Variants in HIRA observed in about 807,000 individuals in gnomAD.
HIRA encodes protein HIRA.
In HIRA, 13 loss-of-function variants were observed where a neutral mutation model predicts 126.6. The ratio of observed to expected loss-of-function variants is 0.10; its 90% confidence interval spans 0.07 to 0.16. The LOEUF (loss-of-function observed/expected upper bound fraction) is 0.16. HIRA is among the 10% of genes least tolerant of loss of function. HIRA has a pLI of 1.00. For missense variants in HIRA, 834 were observed against 1,314.4 expected, an observed-to-expected ratio of 0.63 and a Z score of 5.65; for synonymous variants, 511 against 520.0, an observed-to-expected ratio of 0.98 and a Z score of 0.24.
At chr22:19,340,860 G>A (rs1357189553) in intron 24 of HIRA, among the ~76,000 whole-genome samples, 3 of 152,206 alleles carry the variant, frequency 2.0e-5, no homozygotes, top group Non-Finnish European at 4.4e-5. Flanking sequence ...ATTGCTGAAA[G>A]AAATCATAGA....
At chr22:19,397,038 G>T in intron 6 of HIRA, 91 bp from the exon 7 acceptor site, 1 of 1,226,664 alleles carries the variant, frequency 8.2e-7, no homozygotes, top group Non-Finnish European at 1.2e-6. Context: ...CAAGAGAGGG[G>T]ACTCAGCAGT....
chr22:19,369,583 G>A (rs1315874574), intron 15 of HIRA, among the ~76,000 whole-genome samples: 1 of 152,058 alleles, frequency 6.6e-6, no homozygotes, highest in East Asian at 1.9e-4. Flanking sequence ...TAACTTGCAA[G>A]GTGTATTACT....
chr22:19,361,187 A>G (rs1252957366), intron 17 of HIRA, 50 bp downstream of exon 17: 1 of 1,363,050 alleles, frequency 7.3e-7, no homozygotes, highest in Non-Finnish European at 1.1e-6. Flanking sequence ...TAGGGGACAG[A>G]GAATGTCTGG....
intron 24 of HIRA, among the ~76,000 whole-genome samples, chr22:19,346,682 C>G (rs782584343): frequency 2.0e-5 from 3 of 152,146 alleles, no homozygotes; most frequent in Non-Finnish European, 4.4e-5. Context: ...TCTGGGAGAG[C>G]GTTTCTTTTC....
chr22:19,375,901 C>T (rs1049425460), intron 14 of HIRA, 109 bp from the exon 15 acceptor site: 28 of 1,143,784 alleles, frequency 2.4e-5, no homozygotes, highest in Non-Finnish European at 3.3e-5. Flanking sequence ...TATCAAACTT[C>T]CATAAACACA....
intron 24 of HIRA, among the ~76,000 whole-genome samples, chr22:19,344,951 C>T (rs1460316925): frequency 2.0e-5 from 3 of 152,082 alleles, no homozygotes; most frequent in Admixed American, 6.5e-5. Context: ...GATAAAAGCA[C>T]TCAACAAACT....
intron 4 of HIRA, among the ~76,000 whole-genome samples, chr22:19,406,149 A>G (rs932863464): frequency 3.3e-5 from 5 of 152,188 alleles, no homozygotes; most frequent in East Asian, 1.9e-4. Flanking sequence ...ATACAATATG[A>G]TATCACTTAT....
chr22:19,366,340 C>T (rs983825155), intron 15 of HIRA, among the ~76,000 whole-genome samples: 10 of 152,132 alleles, frequency 6.6e-5, no homozygotes, highest in South Asian at 2.1e-4. Context: ...CCAGCCTGGG[C>T]GACAGAGCGA....
intron 9 of HIRA, among the ~76,000 whole-genome samples, chr22:19,389,017 A>G (rs1356888630): frequency 1.3e-5 from 2 of 152,122 alleles, no homozygotes; most frequent in African/African-American, 4.8e-5. Flanking sequence ...ACATTTATCC[A>G]AGGCTCATTC....
At chr22:19,402,200 T>C (rs2146236440) in intron 5 of HIRA, among the ~76,000 whole-genome samples, 1 of 152,338 alleles carries the variant, frequency 6.6e-6, no homozygotes, top group African/African-American at 2.4e-5. Context: ...ACAAATCTCC[T>C]TGAGAGAAGA....
chr22:19,336,427 A>G lies in HIRA; in HGVS notation c.2938-4871T>C, dbSNP rs1053986209. ...AGTGCCATCTCCTGGCTGGAGGCCA[A>G]TTAACTCAGGACATTACAGCAATTC... is the stretch of plus-strand genomic sequence containing the variant. On this transcript the variant is annotated intron_variant, in intron 24 of 24. Transcript: ENST00000263208. Among the ~76,000 whole-genome samples the G allele has an allele frequency of 5.9e-5, 9 of 152,370 alleles. No individual in the cohort carries two copies. The East Asian group carries it at 1.5e-3, about 26-fold the overall frequency.
chr22:19,384,076 TG>T (rs1286033321), intron 12 of HIRA, among the ~76,000 whole-genome samples: 2 of 152,036 alleles, frequency 1.3e-5, no homozygotes, highest in Non-Finnish European at 2.9e-5. Context: ...CCCAGCACTT[TG>T]GGGAGGCCGA....
Position 19,356,297 on chromosome 22 carries a change from G to A in HIRA, c.2397-9C>T, listed in dbSNP as rs782603212. 1 of 1,613,256 alleles carries A rather than the reference G, an allele frequency of 6.2e-7. No homozygotes were observed. The highest frequency in any genetic ancestry group is 8.5e-7 in the Non-Finnish European group (1 of 1,179,276). ...CCTGTCTGTGAACATCCCTAGGAGG[G>A]AGACAGGGAACAGTTTACTCACCAA... On this transcript the variant is annotated splice_polypyrimidine_tract_variant and intron_variant, in intron 19 of 24. Transcript: ENST00000263208.
chr22:19,388,669 G>A (rs2089149547), intron 9 of HIRA, 115 bp from the exon 10 acceptor site: 3 of 781,350 alleles, frequency 3.8e-6, no homozygotes, highest in East Asian at 5.3e-5. Flanking sequence ...TGATATTTAA[G>A]GCATCTTCAA....
chr22:19,359,460 T>C lies in HIRA; in HGVS notation c.2110A>G (p.Ile704Val). ...ACTGTCACTTCATTCTCCACCTCAA[T>C]GTACATGGAAGGATCGGAGCTGACC... ...LQVSSDPSMYIEVENEVTVVG... is the reference protein window; with the variant it reads ...LQVSSDPSMYVEVENEVTVVG... The change falls in exon 18 of 25, where the codon ATT becomes GTT. Residue 704 changes from isoleucine (I) to valine (V), a missense_variant. Around this residue, in one of 5 missense-constraint regions of HIRA, gnomAD observed 468 missense variants for 574.2 expected, o/e 0.82. Coordinates refer to ENST00000263208, the MANE Select transcript of HIRA (RefSeq NM_003325.4). 1 of 1,608,494 alleles carries C rather than the reference T, an allele frequency of 6.2e-7. No individual in the cohort carries two copies. The highest frequency in any genetic ancestry group is 8.5e-7 in the Non-Finnish European group (1 of 1,177,672).
rs1210075587 is a variant in HIRA, at chr22:19,385,672, G to A, written c.1178C>T (p.Thr393Ile). Residue 393 changes from threonine (T) to isoleucine (I), a missense_variant, in exon 12 of 25, where the codon ACA becomes ATA. Physicochemically the swap from Thr to Ile is moderately conservative, Grantham distance 89. Around this residue, in one of 5 missense-constraint regions of HIRA, gnomAD observed 153 missense variants for 270.6 expected, o/e 0.57. Transcript: ENST00000263208. ...CATCTCAGGGTTCTCAATGACGGCT[G>A]TGGAGAGCTGGGCCTCGGTCATGAT... is the stretch of plus-strand genomic sequence containing the variant. ...LAIMTEAQLS[T>I]AVIENPEMLK... is the part of the protein sequence containing the mutation. The A allele has an allele frequency of 6.2e-7, 1 of 1,614,200 alleles. No individual in the cohort carries two copies. Among genetic ancestry groups the A allele is most frequent in the Non-Finnish European group, 8.5e-7 (1 of 1,180,026 alleles).
chr22:19,348,721 T>C (rs1203164418), intron 24 of HIRA, among the ~76,000 whole-genome samples: 1 of 152,092 alleles, frequency 6.6e-6, no homozygotes, highest in African/African-American at 2.4e-5. Context: ...GGTCTCAAAC[T>C]CCTGACCTCA....
At chr22:19,396,719 G>T in intron 7 of HIRA, 68 bp downstream of exon 7, 1 of 1,547,376 alleles carries the variant, frequency 6.5e-7, no homozygotes, top group Non-Finnish European at 8.8e-7. Context: ...CTCCCTCTCT[G>T]TACACAGAAG....
At chr22:19,402,331 C>T (rs573513767) in intron 5 of HIRA, among the ~76,000 whole-genome samples, 2 of 152,328 alleles carry the variant, frequency 1.3e-5, no homozygotes, top group South Asian at 4.1e-4. Flanking sequence ...TTCTATCTCT[C>T]AATGTCATTT....
Sources: allele counts gnomAD v4.1 joint callset (sites outside exome capture counted in the v4.1 genomes callset), GRCh38; gene constraint gnomAD v4.1.1; regional missense constraint gnomAD v4.1.1; transcripts MANE v1.5; gene names NCBI Gene and HGNC (gene_info 2026-07-23, HGNC 2026-07-21).